Variants in AQP1 observed in about 807,000 individuals in gnomAD.
AQP1 encodes the protein aquaporin 1 (Colton blood group), also known as aquaporin-1.
AQP1 carries 11 observed loss-of-function variants against 19.7 expected under a neutral mutation model. That is an observed-to-expected ratio of 0.56 (90% CI 0.35 to 0.92). AQP1 has a LOEUF of 0.92. AQP1 is among the 40% of genes least tolerant of loss of function. AQP1 has a pLI of 0.01. For synonymous variants in AQP1, 159 were observed against 166.7 expected (o/e 0.95, Z 0.36); for missense variants, 320 against 369.7 (o/e 0.87, Z 1.10).
chr7:30,915,850 T>A (rs1791334482), intron 1 of AQP1, among the ~76,000 whole-genome samples: 1 of 151,898 alleles, frequency 6.6e-6, no homozygotes, highest in East Asian at 1.9e-4. Context: ...CTCCCGGGGG[T>A]GCTGCTGCCT....
intron 1 of AQP1, among the ~76,000 whole-genome samples, chr7:30,914,306 T>C (rs563196870): frequency 4.5e-4 from 68 of 152,298 alleles, no homozygotes; most frequent in South Asian, 1.0e-3. Context: ...CTTGTTGAGC[T>C]TCTTTGGAGC....
chr7:30,920,279 G>A lies in AQP1; in HGVS notation c.385-1787G>A, dbSNP rs28362728. ...CAACCCTGGAGAGCAGAAGAGAGAG[G>A]AATAGAAGGAGCCACGAGCTTCCTG... On this transcript the variant is annotated intron_variant, in intron 1 of 3. Transcript: ENST00000311813. 9.2e-4 allele frequency among the ~76,000 whole-genome samples: 140 copies of A among 152,230 alleles called. 1 individual carries two copies. The highest frequency in any genetic ancestry group is 3.3e-3 in the African/African-American group (137 of 41,534).
At chr7:30,918,418 A>T (rs1791414182) in intron 1 of AQP1, among the ~76,000 whole-genome samples, 1 of 152,162 alleles carries the variant, frequency 6.6e-6, no homozygotes, top group Non-Finnish European at 1.5e-5. Flanking sequence ...ACACTTATCT[A>T]CAAAGACACA....
At chr7:30,913,819 G>A (rs1317653695) in intron 1 of AQP1, among the ~76,000 whole-genome samples, 2 of 147,838 alleles carry the variant, frequency 1.4e-5, no homozygotes, top group African/African-American at 5.0e-5. Context: ...ACGGGACAGA[G>A]CTCAGGCAGG....
At chr7:30,920,463 G>A (rs573624998) in intron 1 of AQP1, among the ~76,000 whole-genome samples, 1 of 152,270 alleles carries the variant, frequency 6.6e-6, no homozygotes, top group South Asian at 2.1e-4. Flanking sequence ...CCTTCTGCCT[G>A]TCCCCAGATC....
rs780458580 is a variant in AQP1, at chr7:30,911,876, C to T, written c.-34C>T. Reference sequence around the variant, plus strand: ...TCAGCTCTCAGAGGGAATTGAGCACCCGGCAGCGGTCTCAGGCCAAGCCCC... The same window carrying T: ...TCAGCTCTCAGAGGGAATTGAGCACTCGGCAGCGGTCTCAGGCCAAGCCCC... On this transcript the variant is annotated 5_prime_UTR_variant, in exon 1 of 4. Coordinates refer to ENST00000311813, the MANE Select transcript of AQP1 (RefSeq NM_198098.4). 7.4e-6 allele frequency: 12 copies of T among 1,612,098 alleles called. No homozygotes were observed. Among genetic ancestry groups the T allele is most frequent in the Non-Finnish European group, 1.0e-5 (12 of 1,180,014 alleles).
Position 30,922,056 on chromosome 7 carries a change from TC to T in AQP1, c.385-6del. 1.2e-6 allele frequency: 2 copies of T among 1,613,664 alleles called. No individual in the cohort carries two copies. Among genetic ancestry groups the T allele is most frequent in the Non-Finnish European group, 1.7e-6 (2 of 1,179,990 alleles). On this transcript the variant is annotated splice_polypyrimidine_tract_variant and intron_variant, in intron 1 of 3. Coordinates refer to ENST00000311813, the MANE Select transcript of AQP1 (RefSeq NM_198098.4). ...TCCTCACCAGTCCTCACCACCTCTC[TC>T]CCCTGCAGCTGGCTGATGGTGTGAA...
At chr7:30,913,546 A>G (rs996147406) in intron 1 of AQP1, among the ~76,000 whole-genome samples, 12 of 152,112 alleles carry the variant, frequency 7.9e-5, no homozygotes, top group African/African-American at 2.4e-4. Context: ...CAGAGATGGC[A>G]GATAGTGATT....
intron 1 of AQP1, among the ~76,000 whole-genome samples, chr7:30,918,957 C>T (rs538327777): frequency 4.2e-4 from 64 of 152,320 alleles, no homozygotes; most frequent in Admixed American, 9.8e-4. Context: ...TCAGCCTCTG[C>T]GTCATCATCT....
At chr7:30,921,342 G>A (rs1047797193) in intron 1 of AQP1, 11 of 1,358,468 alleles carry the variant, frequency 8.1e-6, no homozygotes, top group South Asian at 6.7e-5. Flanking sequence ...CGGTGGTGGC[G>A]GGGCCTATCT....
At chr7:30,913,807 G>A (rs1791235917) in intron 1 of AQP1, among the ~76,000 whole-genome samples, 1 of 151,724 alleles carries the variant, frequency 6.6e-6, no homozygotes, top group East Asian at 2.0e-4. Flanking sequence ...CGCGGGGGAT[G>A]TACGGGACAG....
At chr7:30,922,251 G>A (rs751161006) in intron 2 of AQP1, 21 bp downstream of exon 2, 1 of 1,560,126 alleles carries the variant, frequency 6.4e-7, no homozygotes, top group African/African-American at 1.3e-5. Context: ...GGCCCTCCCA[G>A]ATGGAGGTGG....
chr7:30,922,194 C>T lies in AQP1; in HGVS notation c.513C>T (p.Ala171=), dbSNP rs1164007225. 5 of 1,611,206 alleles carry T rather than the reference C, an allele frequency of 3.1e-6. No individual in the cohort carries two copies. Among genetic ancestry groups the T allele is most frequent in the East Asian group, 2.2e-5 (1 of 44,892 alleles). The change falls in exon 2 of 4, where the codon GCC becomes GCT. Residue 171 remains alanine (A), a synonymous_variant. Transcript: ENST00000311813. ...RRDLGGSAPL[A]IGLSVALGHL... ...ACCTTGGTGGCTCAGCCCCCCTTGC[C>T]ATCGGCCTCTCTGTAGCCCTTGGAC...
intron 1 of AQP1, chr7:30,921,715 T>A (rs868506968): frequency 2.6e-6 from 4 of 1,551,024 alleles, no homozygotes; most frequent in Non-Finnish European, 3.5e-6. Context: ...TGCCTGGGGC[T>A]CGCCCCTTGC....
At position 30,925,084 on chromosome 7, in the gene AQP1, C is replaced by G. The variant is rs944415022; in HGVS notation, c.*1455C>G. 6.6e-6 allele frequency: 1 copy of G among 152,326 alleles called. No homozygotes were observed. Among genetic ancestry groups the G allele is most frequent in the Non-Finnish European group, 1.5e-5 (1 of 68,088 alleles). The allele number at this position is 152,326 out of a possible 1,614,324, so 9.4% of individuals were successfully genotyped here. A position where few individuals can be genotyped will look rare whatever the true frequency, so the allele number is the denominator to read the frequency against. ...CAACAGAAACCAAGAGACACAATTA[C>G]GCAGGTATTTAGAAGCAGAGGGACA... On this transcript the variant is annotated 3_prime_UTR_variant, in exon 4 of 4. Coordinates refer to ENST00000311813, the MANE Select transcript of AQP1 (RefSeq NM_198098.4).
At chr7:30,921,503 C>T (rs1344907966) in intron 1 of AQP1, 1 of 1,500,064 alleles carries the variant, frequency 6.7e-7, no homozygotes, top group Non-Finnish European at 8.9e-7. Context: ...AGGGTGGAGA[C>T]AATAGGGAGG....
chr7:30,916,229 C>G (rs888499717), intron 1 of AQP1, among the ~76,000 whole-genome samples: 6 of 152,212 alleles, frequency 3.9e-5, no homozygotes, highest in African/African-American at 1.2e-4. Flanking sequence ...GGGCTCACCC[C>G]CTGCTCACCA....
chr7:30,917,725 C>T (rs1270576747), intron 1 of AQP1, among the ~76,000 whole-genome samples: 2 of 152,150 alleles, frequency 1.3e-5, no homozygotes, highest in African/African-American at 4.8e-5. Context: ...AAAGAGTGTG[C>T]ATTCTCTAAT....
intron 1 of AQP1, among the ~76,000 whole-genome samples, chr7:30,917,118 A>G (rs1054793080): frequency 5.9e-5 from 9 of 152,232 alleles, no homozygotes; most frequent in Non-Finnish European, 1.3e-4. Context: ...GGGAAACTGA[A>G]GCCCACAGAG....
Sources: gnomAD v4.1 joint callset for allele counts (sites outside exome capture counted in the v4.1 genomes callset) on GRCh38, gnomAD v4.1.1 for gene constraint, MANE v1.5 for transcripts, NCBI Gene and HGNC (gene_info 2026-07-23, HGNC 2026-07-21) for gene names.